MYO18B: variants seen among roughly 807,000 people sequenced by gnomAD.
MYO18B encodes myosin XVIIIB, also known as unconventional myosin-XVIIIb.
MYO18B carries 204 observed loss-of-function variants against 273.0 expected under a neutral mutation model. That is an observed-to-expected ratio of 0.75 (90% CI 0.67 to 0.84). The LOEUF is 0.84. Among genes scored for constraint, MYO18B ranks in the 40% least tolerant of loss-of-function variants. The pLI, the probability that MYO18B is intolerant of heterozygous loss-of-function variation, is 0.00. For synonymous variants in MYO18B, 1,330 were observed against 1,305.7 expected (o/e 1.02, Z -0.40); for missense variants, 3,212 against 3,287.6 (o/e 0.98, Z 0.56).
chr22:26,029,302 A>AC lies in MYO18B; in HGVS notation c.*13-1138dup, dbSNP rs544274771. ...CTGCTGCCACCCCCAGGCCTCCTTGACCCAAATGAGGCACACGTCCTCTAT... is the reference window on the plus strand; with the variant it reads ...CTGCTGCCACCCCCAGGCCTCCTTGACCCCAAATGAGGCACACGTCCTCTAT... On this transcript the variant is annotated intron_variant, in intron 43 of 43. Coordinates refer to ENST00000335473, the MANE Select transcript of MYO18B (RefSeq NM_032608.7). Among the ~76,000 whole-genome samples the AC allele has an allele frequency of 5.1e-4, 78 of 152,184 alleles. No individual in the cohort carries two copies. The South Asian group carries it at 0.011, about 21-fold the overall frequency.
chr22:25,944,273 C>T lies in MYO18B; in HGVS notation c.5518-1864C>T, dbSNP rs1459535620. 2.0e-5 allele frequency among the ~76,000 whole-genome samples: 3 copies of T among 152,186 alleles called. No individual in the cohort carries two copies. In the East Asian group the frequency reaches 5.8e-4, roughly 29 times the overall value. On this transcript the variant is annotated intron_variant, in intron 34 of 43. Coordinates refer to ENST00000335473, the MANE Select transcript of MYO18B (RefSeq NM_032608.7). ...CTCTACATCAATTTTCTCAGTGTGT[C>T]TCAATCCCTCCCATTTGCCGACTGA...
At chr22:26,045,147 G>A in the MYO18B span, among the ~76,000 whole-genome samples, 8 of 151,854 alleles carry the variant, frequency 5.3e-5, no homozygotes, top group South Asian at 1.3e-3. Flanking sequence ...AAGAGGGCTT[G>A]CACATTTCTG....
intron 39 of MYO18B, among the ~76,000 whole-genome samples, chr22:25,984,213 TAAGA>T (rs2093177729): frequency 6.6e-6 from 1 of 152,184 alleles, no homozygotes; most frequent in African/African-American, 2.4e-5. Flanking sequence ...GAACTGAAGG[TAAGA>T]AAGGATTAGT....
intron 35 of MYO18B, 70 bp from the exon 36 acceptor site, chr22:25,947,642 C>A (rs772003762): frequency 3.4e-6 from 4 of 1,190,180 alleles, no homozygotes; most frequent in Non-Finnish European, 4.9e-6. Flanking sequence ...CCTCTTTGCT[C>A]TTCCTCTGGA....
intron 1 of MYO18B, among the ~76,000 whole-genome samples, chr22:25,757,386 A>G (rs1033791380): frequency 1.3e-5 from 2 of 152,138 alleles, no homozygotes; most frequent in East Asian, 3.9e-4. Flanking sequence ...TCACAAGGTC[A>G]GGAGTTCGAG....
intron 1 of MYO18B, among the ~76,000 whole-genome samples, chr22:25,745,255 G>A (rs1477557812): frequency 6.6e-6 from 1 of 152,006 alleles, no homozygotes. Flanking sequence ...GACTACAGGA[G>A]TGCACCACCA....
chr22:25,831,593 G>A (rs140150396), intron 15 of MYO18B, among the ~76,000 whole-genome samples: 1 of 152,266 alleles, frequency 6.6e-6, no homozygotes, highest in African/African-American at 2.4e-5. Context: ...ATGTTAGCCA[G>A]CCTAGTCTCT....
intron 34 of MYO18B, among the ~76,000 whole-genome samples, chr22:25,925,287 T>G (rs1209157961): frequency 6.6e-6 from 1 of 152,058 alleles, no homozygotes; most frequent in Non-Finnish European, 1.5e-5. Flanking sequence ...TCTGCATTTT[T>G]AAACAACCAC....
intron 39 of MYO18B, among the ~76,000 whole-genome samples, chr22:25,975,868 C>G (rs2093083491): frequency 1.3e-5 from 2 of 152,266 alleles, no homozygotes; most frequent in Admixed American, 1.3e-4. Context: ...CTCTTTATGC[C>G]AGGGCCCCCA....
At chr22:25,760,865 G>C in intron 1 of MYO18B, 119 bp from the exon 2 acceptor site, 1 of 598,524 alleles carries the variant, frequency 1.7e-6, no homozygotes, top group East Asian at 2.8e-5. Flanking sequence ...GTCTGTACCT[G>C]ACTGTGCCCA....
At chr22:25,982,448 G>A (rs1344799470) in intron 39 of MYO18B, among the ~76,000 whole-genome samples, 5 of 152,174 alleles carry the variant, frequency 3.3e-5, no homozygotes, top group African/African-American at 1.2e-4. Context: ...CACTAACACA[G>A]TATCTTAAAA....
chr22:25,978,747 A>G (rs780816828), intron 39 of MYO18B, among the ~76,000 whole-genome samples: 1 of 152,224 alleles, frequency 6.6e-6, no homozygotes, highest in Non-Finnish European at 1.5e-5. Context: ...TGAGGTCAGG[A>G]GTTCGAGACC....
At chr22:25,923,514 T>C (rs2092378484) in intron 34 of MYO18B, among the ~76,000 whole-genome samples, 1 of 152,230 alleles carries the variant, frequency 6.6e-6, no homozygotes, top group South Asian at 2.1e-4. Context: ...TGGCAAGTGG[T>C]GTGTCCAAAG....
the MYO18B span, among the ~76,000 whole-genome samples, chr22:26,040,524 C>T: frequency 9.2e-5 from 14 of 152,042 alleles, no homozygotes; most frequent in Non-Finnish European, 1.8e-4. Flanking sequence ...GATATTAGGA[C>T]GCTGAAAGCC....
At chr22:26,063,845 T>C in the MYO18B span, among the ~76,000 whole-genome samples, 42 of 152,350 alleles carry the variant, frequency 2.8e-4, no homozygotes, top group Admixed American at 1.0e-3. Context: ...TTCTTTTTCC[T>C]AATCATTTAT....
In MYO18B at chr22:25,883,170, G is replaced by A. The variant is rs149596966; in HGVS notation, c.4314+5122G>A. 1.6e-3 allele frequency among the ~76,000 whole-genome samples: 237 copies of A among 152,214 alleles called. No individual in the cohort carries two copies. Among genetic ancestry groups the A allele is most frequent in the Non-Finnish European group, 2.9e-3 (194 of 68,002 alleles). On this transcript the variant is annotated intron_variant, in intron 25 of 43. Coordinates refer to ENST00000335473, the MANE Select transcript of MYO18B (RefSeq NM_032608.7). The surrounding 1 kb of genome is among the most constrained non-coding windows in gnomAD (Gnocchi z 7.6). ...TGCCTTGGCCTCCCAGAGTGCTGGCGTGAACCATTGCACCAGACCTGTAAT... is the reference window on the plus strand; with the variant it reads ...TGCCTTGGCCTCCCAGAGTGCTGGCATGAACCATTGCACCAGACCTGTAAT...
downstream of MYO18B, among the ~76,000 whole-genome samples, chr22:26,035,743 A>G (rs1292469462): frequency 2.0e-5 from 3 of 152,154 alleles, no homozygotes; most frequent in African/African-American, 4.8e-5. Flanking sequence ...TCCTCAACCA[A>G]CTAAAGTTAG....
intron 42 of MYO18B, among the ~76,000 whole-genome samples, chr22:26,018,958 A>G (rs2146979003): frequency 6.6e-6 from 1 of 152,270 alleles, no homozygotes; most frequent in Middle Eastern, 3.4e-3. Context: ...CTCCATCTCA[A>G]AAAAAAGAAA....
At chr22:25,808,968 G>C (rs1364511488) in intron 12 of MYO18B, among the ~76,000 whole-genome samples, 2 of 152,114 alleles carry the variant, frequency 1.3e-5, no homozygotes, top group African/African-American at 2.4e-5. Flanking sequence ...TTTTGAGACA[G>C]AGTCTTGCTC....
Sources: allele counts gnomAD v4.1 joint callset (sites outside exome capture counted in the v4.1 genomes callset), GRCh38; gene constraint gnomAD v4.1.1; non-coding constraint Gnocchi (gnomAD v3.1); transcripts MANE v1.5; gene names NCBI Gene and HGNC (gene_info 2026-07-23, HGNC 2026-07-21).